The following ARHGEF9 variants were observed in gnomAD, a reference collection of about 807,000 sequenced individuals.
ARHGEF9 encodes Cdc42 guanine nucleotide exchange factor 9.
Under a neutral mutation model 41.3 loss-of-function variants are expected in ARHGEF9, and 2 were observed. The ratio of observed to expected loss-of-function variants is 0.05; its 90% CI spans 0.02 to 0.15. The LOEUF is 0.15. Ranked by LOEUF, ARHGEF9 falls within the 10% of genes least tolerant of loss-of-function variation. The probability of loss-of-function intolerance (pLI) is 1.00; values close to 1 mark genes in which losing one functional copy is unlikely to be tolerated. For synonymous variants in ARHGEF9, 160 were observed against 154.4 expected, an observed-to-expected ratio of 1.04 and a Z score of -0.27; for missense variants, 225 against 424.7, an observed-to-expected ratio of 0.53 and a Z score of 4.13.
chrX:63,654,724 A>C, intron 8 of ARHGEF9, among the ~76,000 whole-genome samples: 1 of 111,743 alleles, frequency 8.9e-6, no homozygotes, highest in East Asian at 2.8e-4. Context: ...CACTCCCATA[A>C]GCAATAGGGC....
At chrX:63,695,267 C>T (rs1569475175) in intron 4 of ARHGEF9, among the ~76,000 whole-genome samples, 1 of 111,660 alleles carries the variant, frequency 9.0e-6, no homozygotes, top group Non-Finnish European at 1.9e-5. Context: ...TTCTACTTTC[C>T]CCATTCAATA....
intron 4 of ARHGEF9, among the ~76,000 whole-genome samples, chrX:63,683,051 T>C (rs2050753889): frequency 1.8e-5 from 2 of 109,748 alleles, no homozygotes; most frequent in Admixed American, 9.7e-5. Context: ...TAGCCCTATT[T>C]GGAGATAAGA....
intron 1 of ARHGEF9, among the ~76,000 whole-genome samples, chrX:63,764,621 A>G (rs147506557): frequency 2.7e-5 from 3 of 112,655 alleles, no homozygotes; most frequent in East Asian, 5.6e-4. Flanking sequence ...CATATACACC[A>G]TGAGATACTA....
chrX:63,662,023 A>G (rs2049253120), intron 7 of ARHGEF9, among the ~76,000 whole-genome samples: 1 of 111,683 alleles, frequency 9.0e-6, no homozygotes, highest in Non-Finnish European at 1.9e-5. Flanking sequence ...GGGTACATCT[A>G]GTGATGGGGA....
chrX:63,715,534 A>G (rs1424513759), intron 2 of ARHGEF9, among the ~76,000 whole-genome samples: 2 of 112,160 alleles, frequency 1.8e-5, no homozygotes, highest in African/African-American at 6.5e-5. Context: ...CCATTTACTA[A>G]CAAGTTAAAG....
intron 8 of ARHGEF9, among the ~76,000 whole-genome samples, chrX:63,653,082 T>A (rs1367076200): frequency 1.8e-5 from 2 of 111,732 alleles, no homozygotes; most frequent in Non-Finnish European, 3.8e-5. Flanking sequence ...TCTCAGGTAT[T>A]TATAGCACTG....
chrX:63,662,051 GCTGT>G lies in ARHGEF9; in HGVS notation c.1077+3831_1077+3834del, dbSNP rs782820655. ...GATGGGGACCTCACTACTTTATAAG[GCTGT>G]CTATTTCTTTGTTGGAGGTTGGGTA... is the stretch of plus-strand genomic sequence containing the variant. On this transcript the variant is annotated intron_variant, in intron 7 of 9. Transcript: ENST00000671741. Among the ~76,000 whole-genome samples the G allele has an allele frequency of 4.5e-5, 5 of 111,391 alleles. No individual in the cohort carries two copies. The East Asian group carries it at 1.4e-3, about 31-fold the overall frequency.
chrX:63,679,748 A>C (rs201494920), intron 4 of ARHGEF9, among the ~76,000 whole-genome samples: 2 of 112,114 alleles, frequency 1.8e-5, no homozygotes, highest in East Asian at 5.6e-4. Context: ...TACTTGGTAA[A>C]ATATTGAATG....
intron 1 of ARHGEF9, chrX:63,767,471 G>A (rs1163620878): frequency 1.7e-5 from 5 of 299,443 alleles, no homozygotes; most frequent in Non-Finnish European, 3.1e-5. Flanking sequence ...TTAAGCCCAA[G>A]CCCCTTGGAC....
At chrX:63,784,009 C>T (rs1398280897) in intron 1 of ARHGEF9, among the ~76,000 whole-genome samples, 3 of 111,544 alleles carry the variant, frequency 2.7e-5, no homozygotes, top group Non-Finnish European at 3.8e-5. Context: ...GAATATAGTC[C>T]TAGCCCACAC....
intron 1 of ARHGEF9, among the ~76,000 whole-genome samples, chrX:63,739,752 C>G (rs1556425358): frequency 8.9e-6 from 1 of 112,205 alleles, no homozygotes; most frequent in Non-Finnish European, 1.9e-5. Context: ...TGTGTAATTA[C>G]AACCTGGATG....
chrX:63,678,895 AAAGC>A (rs1197644199), intron 4 of ARHGEF9, among the ~76,000 whole-genome samples: 2 of 111,889 alleles, frequency 1.8e-5, no homozygotes, highest in Admixed American at 9.5e-5. Flanking sequence ...TGGATCACAA[AAAGC>A]AAGAGATCAG....
At position 63,636,315 on chromosome X, in the gene ARHGEF9, T is replaced by C. The variant is rs2047310574; in HGVS notation, c.*1713A>G. On this transcript the variant is annotated 3_prime_UTR_variant, in exon 10 of 10. Coordinates refer to ENST00000671741, the MANE Select transcript of ARHGEF9 (RefSeq NM_001353921.2). ...AGCAGAGTTCATCCTTATTCCCTTATACCCTTTTTGTTGTTCAAGGTCTAT... is the reference window on the plus strand; with the variant it reads ...AGCAGAGTTCATCCTTATTCCCTTACACCCTTTTTGTTGTTCAAGGTCTAT... The C allele has an allele frequency of 9.0e-6, 1 of 111,674 alleles. No homozygotes were observed. The highest frequency in any genetic ancestry group is 3.3e-5 in the African/African-American group (1 of 30,643). 9.2% of individuals were successfully genotyped at this position (111,674 alleles called of 1,213,427 possible).
At chrX:63,646,407 T>A (rs1602197901) in intron 8 of ARHGEF9, among the ~76,000 whole-genome samples, 1 of 112,133 alleles carries the variant, frequency 8.9e-6, no homozygotes, top group Admixed American at 9.5e-5. Context: ...AATTTTTGTA[T>A]AAGGTGTAAG....
At chrX:63,728,772 A>G (rs1335710417) in intron 1 of ARHGEF9, among the ~76,000 whole-genome samples, 1 of 111,986 alleles carries the variant, frequency 8.9e-6, no homozygotes, top group Non-Finnish European at 1.9e-5. Flanking sequence ...GAGGTTGATT[A>G]CACATGGGTA....
intron 1 of ARHGEF9, among the ~76,000 whole-genome samples, chrX:63,728,862 AG>A (rs1487213845): frequency 2.7e-5 from 3 of 111,528 alleles, no homozygotes; most frequent in African/African-American, 9.8e-5. Flanking sequence ...ACAGGAGGAA[AG>A]GGAGGGGCAT....
rs782172258 is a variant in ARHGEF9 at position 63,660,109 on chromosome X, CT to C, written c.1078-4373del. Among the ~76,000 whole-genome samples, 4 of 112,116 alleles carry C rather than the reference CT, an allele frequency of 3.6e-5. No homozygotes were observed. The East Asian group carries it at 1.1e-3, about 31-fold the overall frequency. ...ATGCACGCGTATGTTCACTGCAGCA[CT>C]TTTCACAGTAGCAAATACACGGAGT... On this transcript the variant is annotated intron_variant, in intron 7 of 9. Transcript: ENST00000671741.
At chrX:63,783,519 G>T (rs1210805715) in intron 1 of ARHGEF9, among the ~76,000 whole-genome samples, 1 of 111,842 alleles carries the variant, frequency 8.9e-6, no homozygotes, top group East Asian at 2.8e-4. Context: ...GCCTCCCAAA[G>T]TGCTGGGATT....
chrX:63,656,744 C>A (rs1353777192), intron 7 of ARHGEF9: 1 of 110,911 alleles, frequency 9.0e-6, no homozygotes, highest in African/African-American at 3.3e-5. Flanking sequence ...ATATATGCCA[C>A]GTTCCAGACA....
Sources: allele counts gnomAD v4.1 joint callset (sites outside exome capture counted in the v4.1 genomes callset), GRCh38; gene constraint gnomAD v4.1.1; transcripts MANE v1.5; gene names NCBI Gene and HGNC (gene_info 2026-07-23, HGNC 2026-07-21).